The following TRAPPC9 variants were observed in gnomAD, a reference collection of about 807,000 sequenced individuals.
TRAPPC9 encodes trafficking protein particle complex subunit 9, also known as IKK2 binding protein.
Under a neutral mutation model 124.0 loss-of-function variants are expected in TRAPPC9, and 83 were observed. The ratio of observed to expected loss-of-function variants is 0.67; its 90% CI spans 0.56 to 0.80. The LOEUF (loss-of-function observed/expected upper bound fraction) is 0.80, where lower values mean the gene tolerates loss of function less well. Among genes scored for constraint, TRAPPC9 ranks in the 30% least tolerant of loss-of-function variants. The probability of loss-of-function intolerance (pLI) is 0.00; values close to 1 mark genes in which losing one functional copy is unlikely to be tolerated. For synonymous variants in TRAPPC9, 638 were observed against 617.5 expected, an observed-to-expected ratio of 1.03 and a Z score of -0.49; for missense variants, 1,302 against 1,508.3, an observed-to-expected ratio of 0.86 and a Z score of 2.27.
intron 21 of TRAPPC9, among the ~76,000 whole-genome samples, chr8:139,848,295 T>C (rs987361381): frequency 7.9e-5 from 12 of 152,298 alleles, no homozygotes; most frequent in Middle Eastern, 3.4e-3. Context: ...GCAGATAAAA[T>C]ACTATTAACT....
intron 17 of TRAPPC9, among the ~76,000 whole-genome samples, chr8:140,078,357 G>A (rs1270372727): frequency 6.6e-6 from 1 of 152,208 alleles, no homozygotes; most frequent in Non-Finnish European, 1.5e-5. Flanking sequence ...CTGGACTCAA[G>A]TTCAAGCCCA....
At chr8:140,119,087 G>A (rs893585850) in intron 17 of TRAPPC9, among the ~76,000 whole-genome samples, 1 of 152,244 alleles carries the variant, frequency 6.6e-6, no homozygotes, top group Non-Finnish European at 1.5e-5. Flanking sequence ...GACCCAGGTA[G>A]GCACAACAGT....
At chr8:139,865,263 C>T (rs565086770) in intron 21 of TRAPPC9, among the ~76,000 whole-genome samples, 65 of 152,334 alleles carry the variant, frequency 4.3e-4, no homozygotes, top group African/African-American at 1.5e-3. Flanking sequence ...GTCCCATGTC[C>T]ATGCGTTCTG....
At chr8:139,915,960 T>C (rs990262814) in intron 19 of TRAPPC9, among the ~76,000 whole-genome samples, 1 of 152,182 alleles carries the variant, frequency 6.6e-6, no homozygotes, top group Middle Eastern at 3.2e-3. Flanking sequence ...CACTTTGAAA[T>C]GCTCTCTAGA....
chr8:140,232,146 A>C (rs374545747), intron 16 of TRAPPC9, among the ~76,000 whole-genome samples: 1 of 151,788 alleles, frequency 6.6e-6, no homozygotes, highest in Non-Finnish European at 1.5e-5. Flanking sequence ...TCAAACTCCT[A>C]GGCTCAAGCT....
At chr8:139,958,336 C>G (rs1459098354) in intron 19 of TRAPPC9, among the ~76,000 whole-genome samples, 1 of 152,200 alleles carries the variant, frequency 6.6e-6, no homozygotes, top group Non-Finnish European at 1.5e-5. Flanking sequence ...CCTTTTCTTT[C>G]CTTTCCCCAT....
intron 9 of TRAPPC9, among the ~76,000 whole-genome samples, chr8:140,331,617 A>ACTCATCATCATC (rs2066895389): frequency 6.6e-6 from 1 of 150,610 alleles, no homozygotes; most frequent in Non-Finnish European, 1.5e-5. Flanking sequence ...AACAGCAAAA[A>ACTCATCATCATC]ATCATCATCA....
intron 19 of TRAPPC9, among the ~76,000 whole-genome samples, chr8:139,975,168 G>C (rs561093160): frequency 6.6e-6 from 1 of 152,152 alleles, no homozygotes; most frequent in Non-Finnish European, 1.5e-5. Context: ...TGCCCTAGAC[G>C]AGACTTTCCA....
chr8:140,409,910 G>T (rs528566720), intron 5 of TRAPPC9, among the ~76,000 whole-genome samples: 116 of 152,212 alleles, frequency 7.6e-4, no homozygotes, highest in African/African-American at 2.3e-3. Flanking sequence ...GCCAAGGAAG[G>T]CTCCTGGGTT....
chr8:139,922,281 T>C (rs545907394), intron 19 of TRAPPC9, among the ~76,000 whole-genome samples: 5 of 152,192 alleles, frequency 3.3e-5, no homozygotes, highest in African/African-American at 9.6e-5. Flanking sequence ...CCTCGCAGGT[T>C]CAAGCGGTTC....
intron 16 of TRAPPC9, among the ~76,000 whole-genome samples, chr8:140,223,940 A>C (rs1354714384): frequency 2.0e-5 from 3 of 152,222 alleles, no homozygotes; most frequent in Non-Finnish European, 4.4e-5. Flanking sequence ...AGTCCATGGC[A>C]CCTTATGCCC....
intron 16 of TRAPPC9, among the ~76,000 whole-genome samples, chr8:140,249,085 T>C (rs142489197): frequency 6.6e-6 from 1 of 152,320 alleles, no homozygotes; most frequent in East Asian, 1.9e-4. Context: ...TACATGAGTA[T>C]ACTGTGTGAT....
rs1217712616 is a variant in TRAPPC9 at position 139,847,140 on chromosome 8, A to G, written c.3055+38739T>C. 5.3e-5 allele frequency among the ~76,000 whole-genome samples: 8 copies of G among 152,234 alleles called. No homozygotes were observed. The East Asian group carries it at 5.8e-4, about 11-fold the overall frequency. On this transcript the variant is annotated intron_variant, in intron 21 of 22. Coordinates refer to ENST00000438773, the MANE Select transcript of TRAPPC9 (RefSeq NM_001160372.4). Reference sequence around the variant, plus strand: ...CAGGGAAGGAAGAAGGCGCAAGACCATAAGAAGCAGATCAGAGGGTTCCTG... The same window carrying G: ...CAGGGAAGGAAGAAGGCGCAAGACCGTAAGAAGCAGATCAGAGGGTTCCTG...
intron 9 of TRAPPC9, among the ~76,000 whole-genome samples, chr8:140,319,313 C>T (rs144102232): frequency 0.016 from 2,407 of 150,968 alleles, 73 homozygotes; most frequent in African/African-American, 0.056. Flanking sequence ...GTAGCTGGGA[C>T]TACGGGCACC....
rs1245202045 is a variant in TRAPPC9, at chr8:139,971,900, C to T, written c.2810+16826G>A. On this transcript the variant is annotated intron_variant, in intron 19 of 22. Transcript: ENST00000438773. ...GCTGGAGTGCAGTGATGGCTCACTG[C>T]GACGTCCACCTCCTGGGTTCAAGCG... Among the ~76,000 whole-genome samples, 6 of 151,836 alleles carry T rather than the reference C, an allele frequency of 4.0e-5. No homozygotes were observed. The East Asian group carries it at 7.8e-4, about 20-fold the overall frequency.
At position 140,451,235 on chromosome 8, in the gene TRAPPC9, G is replaced by C; in HGVS notation, c.139C>G (p.Arg47Gly). The C allele has an allele frequency of 6.2e-7, 1 of 1,613,838 alleles. No individual in the cohort carries two copies. Among genetic ancestry groups the C allele is most frequent in the Non-Finnish European group, 8.5e-7 (1 of 1,180,010 alleles). ...ATGTAGAGGACTCGCTGGGAGTCCCGCACGCTGATCTGACTCACAGAGCAA... is the reference window on the plus strand; with the variant it reads ...ATGTAGAGGACTCGCTGGGAGTCCCCCACGCTGATCTGACTCACAGAGCAA... ...RICSVSQISV[R>G]DSQRVLYIRY... is the part of the protein sequence containing the mutation. Residue 47 changes from arginine (R) to glycine (G), a missense_variant, in exon 2 of 23, where the codon CGG becomes GGG. By Grantham distance (125) the Arg-to-Gly change is moderately radical. Coordinates refer to ENST00000438773, the MANE Select transcript of TRAPPC9 (RefSeq NM_001160372.4).
chr8:139,996,787 T>C (rs1466807019), intron 18 of TRAPPC9, among the ~76,000 whole-genome samples: 3 of 152,224 alleles, frequency 2.0e-5, no homozygotes, highest in African/African-American at 7.2e-5. Flanking sequence ...TCACCCAGGT[T>C]GGAGTGCAAT....
At chr8:139,929,912 C>A (rs1833035633) in intron 19 of TRAPPC9, among the ~76,000 whole-genome samples, 1 of 152,236 alleles carries the variant, frequency 6.6e-6, no homozygotes, top group Non-Finnish European at 1.5e-5. Flanking sequence ...TCAGACCCTT[C>A]CATGTCCTGT....
chr8:139,763,281 G>A (rs1281553168), intron 21 of TRAPPC9, among the ~76,000 whole-genome samples: 4 of 152,200 alleles, frequency 2.6e-5, no homozygotes, highest in Non-Finnish European at 5.9e-5. Context: ...TGGCTCTGGC[G>A]AATATAAAGC....
Sources: gnomAD v4.1 joint callset for allele counts (sites outside exome capture counted in the v4.1 genomes callset) on GRCh38, gnomAD v4.1.1 for gene constraint, MANE v1.5 for transcripts, NCBI Gene and HGNC (gene_info 2026-07-23, HGNC 2026-07-21) for gene names.